Variants in PPP2R2C observed in about 807,000 individuals in gnomAD.
PPP2R2C encodes the protein protein phosphatase 2 regulatory subunit Bgamma.
A neutral mutation model predicts 45.3 loss-of-function variants in PPP2R2C; 10 were observed. The observed-to-expected ratio is 0.22, with a 90% confidence interval of 0.14 to 0.37. The LOEUF (loss-of-function observed/expected upper bound fraction) is 0.37. Among genes scored for constraint, PPP2R2C ranks in the 10% least tolerant of loss-of-function variants. The pLI is 1.00. For synonymous variants in PPP2R2C, 257 were observed against 245.4 expected (o/e 1.05, Z -0.44); for missense variants, 308 against 619.7 (o/e 0.50, Z 5.34).
At chr4:6,384,996 G>C (rs1043364473) in intron 1 of PPP2R2C, among the ~76,000 whole-genome samples, 11 of 152,212 alleles carry the variant, frequency 7.2e-5, no homozygotes, top group Admixed American at 2.0e-4. Flanking sequence ...AGGTTCAAGT[G>C]AGACAAGGAG....
chr4:6,335,660 T>G (rs573110068), intron 6 of PPP2R2C, among the ~76,000 whole-genome samples: 1 of 151,258 alleles, frequency 6.6e-6, no homozygotes, highest in East Asian at 2.0e-4. Flanking sequence ...GGAAGGAAGT[T>G]CCAGCACCCG....
At chr4:6,544,355 T>A (rs73209734) in intron 1 of PPP2R2C, among the ~76,000 whole-genome samples, 1 of 152,090 alleles carries the variant, frequency 6.6e-6, no homozygotes, top group Non-Finnish European at 1.5e-5. Context: ...ATTATTTTTA[T>A]TTTTAGAGAC....
chr4:6,458,495 A>T (rs552678743), intron 1 of PPP2R2C, among the ~76,000 whole-genome samples: 4 of 152,142 alleles, frequency 2.6e-5, no homozygotes, highest in African/African-American at 9.7e-5. Flanking sequence ...TGAGGGCTCC[A>T]CCCTCACAAC....
chr4:6,417,965 C>T (rs1424992224), intron 1 of PPP2R2C, among the ~76,000 whole-genome samples: 3 of 151,792 alleles, frequency 2.0e-5, no homozygotes, highest in Non-Finnish European at 2.9e-5. Flanking sequence ...GACCCTCTGC[C>T]GCTGGGACAA....
At chr4:6,560,669 G>A (rs1725545410) in intron 1 of PPP2R2C, among the ~76,000 whole-genome samples, 1 of 152,234 alleles carries the variant, frequency 6.6e-6, no homozygotes, top group Non-Finnish European at 1.5e-5. Flanking sequence ...TGGGGTTGGA[G>A]CTGCACCCGC....
chr4:6,545,093 G>A (rs1449531890), intron 1 of PPP2R2C, among the ~76,000 whole-genome samples: 2 of 152,098 alleles, frequency 1.3e-5, no homozygotes, highest in East Asian at 1.9e-4. Flanking sequence ...GGGCTCTCCC[G>A]GGCTCACCCT....
At chr4:6,352,602 G>GC (rs1419108421) in intron 5 of PPP2R2C, among the ~76,000 whole-genome samples, 2 of 152,164 alleles carry the variant, frequency 1.3e-5, no homozygotes, top group Admixed American at 1.3e-4. Flanking sequence ...CATTTTCCCT[G>GC]CAAGAAAAGT....
chr4:6,503,560 T>C (rs1381156074), intron 2 of PPP2R2C, among the ~76,000 whole-genome samples: 1 of 152,130 alleles, frequency 6.6e-6, no homozygotes, highest in African/African-American at 2.4e-5. Context: ...AGCCCTTGTA[T>C]CCCCTATTTA....
intron 1 of PPP2R2C, among the ~76,000 whole-genome samples, chr4:6,433,673 C>G (rs1230147509): frequency 6.6e-6 from 1 of 152,220 alleles, no homozygotes; most frequent in Non-Finnish European, 1.5e-5. Flanking sequence ...ACTATAATAG[C>G]TAATTTGACT....
chr4:6,399,712 C>T (rs1451082921), intron 1 of PPP2R2C, among the ~76,000 whole-genome samples: 2 of 152,220 alleles, frequency 1.3e-5, no homozygotes, highest in African/African-American at 4.8e-5. Context: ...TTTTATAGGA[C>T]ATTCTCGGAT....
chr4:6,340,177 C>G (rs1416268516), intron 6 of PPP2R2C, among the ~76,000 whole-genome samples: 2 of 152,142 alleles, frequency 1.3e-5, no homozygotes, highest in African/African-American at 4.8e-5. Context: ...AAAACTCAAG[C>G]CCAGCTGTGG....
intron 1 of PPP2R2C, among the ~76,000 whole-genome samples, chr4:6,458,521 G>C (rs1436412913): frequency 6.6e-6 from 1 of 152,130 alleles, no homozygotes; most frequent in South Asian, 2.1e-4. Context: ...CACTCCCAAA[G>C]TCCCCACCTT....
At chr4:6,383,103 C>G in intron 1 of PPP2R2C, 1 of 1,100,798 alleles carries the variant, frequency 9.1e-7, no homozygotes, top group Non-Finnish European at 1.1e-6. Flanking sequence ...ATTCGACAAG[C>G]CGCAAACAGA....
chr4:6,441,897 C>T (rs1335878919), intron 1 of PPP2R2C, among the ~76,000 whole-genome samples: 1 of 152,216 alleles, frequency 6.6e-6, no homozygotes, highest in Non-Finnish European at 1.5e-5. Context: ...AATTAAATGC[C>T]TGGGGCATGG....
chr4:6,547,895 A>G lies in PPP2R2C; in HGVS notation c.-58-12518T>C, dbSNP rs1577252239. Among the ~76,000 whole-genome samples, 3 of 152,162 alleles carry G rather than the reference A, an allele frequency of 2.0e-5. No individual in the cohort carries two copies. In the East Asian group the frequency reaches 5.8e-4, roughly 29 times the overall value. On this transcript the variant is annotated intron_variant, in intron 1 of 9. Coordinates refer to the PPP2R2C transcript ENST00000506140. ...ATAAGCACATAAAAAGATGCTCAAC[A>G]TTTTTAACCATGGGGGAATTACAAA...
chr4:6,421,457 T>G (rs1292873210), intron 1 of PPP2R2C, among the ~76,000 whole-genome samples: 4 of 152,100 alleles, frequency 2.6e-5, no homozygotes, highest in Non-Finnish European at 5.9e-5. Context: ...AAGTGACACC[T>G]AAGTGTTTGA....
chr4:6,525,994 T>C (rs1168216504), intron 2 of PPP2R2C, among the ~76,000 whole-genome samples: 1 of 152,218 alleles, frequency 6.6e-6, no homozygotes, highest in Non-Finnish European at 1.5e-5. Flanking sequence ...TGAGCCACGT[T>C]GCCCAGCCCA....
intron 1 of PPP2R2C, among the ~76,000 whole-genome samples, chr4:6,425,578 G>C (rs1031264534): frequency 1.3e-5 from 2 of 152,222 alleles, no homozygotes; most frequent in African/African-American, 4.8e-5. Context: ...GTGAACCTGA[G>C]GCTTTTGGTT....
chr4:6,540,157 C>T (rs1424455472), intron 1 of PPP2R2C, among the ~76,000 whole-genome samples: 2 of 152,178 alleles, frequency 1.3e-5, no homozygotes, highest in Non-Finnish European at 2.9e-5. Context: ...CAGCCCTCAC[C>T]ATGATTTACT....
Sources: gnomAD v4.1 joint callset for allele counts (sites outside exome capture counted in the v4.1 genomes callset) on GRCh38, gnomAD v4.1.1 for gene constraint, MANE v1.5 for transcripts, NCBI Gene and HGNC (gene_info 2026-07-23, HGNC 2026-07-21) for gene names.